MCOLN2: variants seen among roughly 807,000 people sequenced by gnomAD.
MCOLN2 encodes mucolipin TRP cation channel 2.
In MCOLN2, 57 loss-of-function variants were observed where a neutral mutation model predicts 67.5. The observed-to-expected ratio is 0.84, with a 90% CI of 0.68 to 1.05. The LOEUF (loss-of-function observed/expected upper bound fraction) is 1.05, where lower values mean the gene tolerates loss of function less well. Ranked by LOEUF, MCOLN2 falls within the 50% of genes least tolerant of loss-of-function variation. The pLI, the probability that MCOLN2 is intolerant of heterozygous loss-of-function variation, is 0.00. For synonymous variants in MCOLN2, 246 were observed against 233.3 expected (o/e 1.05, Z -0.50); for missense variants, 620 against 678.8 (o/e 0.91, Z 0.96).
At chr1:84,946,532 A>T (rs1286041270) in intron 7 of MCOLN2, among the ~76,000 whole-genome samples, 2 of 152,200 alleles carry the variant, frequency 1.3e-5, no homozygotes, top group East Asian at 3.8e-4. Context: ...TACTTGCATT[A>T]TACTTACAGG....
intron 7 of MCOLN2, among the ~76,000 whole-genome samples, chr1:84,944,301 G>A (rs892600317): frequency 6.6e-5 from 10 of 152,122 alleles, no homozygotes; most frequent in Non-Finnish European, 1.0e-4. Context: ...TTGGGAGGCC[G>A]AGGCGGGCAG....
intron 8 of MCOLN2, among the ~76,000 whole-genome samples, chr1:84,939,976 C>G (rs917326074): frequency 5.9e-5 from 9 of 152,182 alleles, no homozygotes; most frequent in African/African-American, 2.2e-4. Flanking sequence ...ATTCCAAATA[C>G]TTTTCATATT....
intron 7 of MCOLN2, among the ~76,000 whole-genome samples, chr1:84,943,365 G>A (rs890893207): frequency 6.6e-6 from 1 of 152,148 alleles, no homozygotes; most frequent in Admixed American, 6.5e-5. Context: ...AAAGCCATGG[G>A]AGTGACGGCC....
At chr1:84,971,010 T>G (rs973641287) in intron 1 of MCOLN2, among the ~76,000 whole-genome samples, 3 of 152,220 alleles carry the variant, frequency 2.0e-5, no homozygotes, top group African/African-American at 7.2e-5. Context: ...AAGGTCAAAG[T>G]AGCAGATAAT....
At chr1:84,970,399 G>C (rs889251519) in intron 1 of MCOLN2, among the ~76,000 whole-genome samples, 2 of 151,894 alleles carry the variant, frequency 1.3e-5, no homozygotes, top group Admixed American at 6.6e-5. Context: ...GCCAGGCATG[G>C]TGGCTCATGC....
At chr1:84,984,519 C>G (rs1301861546) in intron 1 of MCOLN2, among the ~76,000 whole-genome samples, 1 of 152,222 alleles carries the variant, frequency 6.6e-6, no homozygotes, top group Non-Finnish European at 1.5e-5. Context: ...GATCCCATGT[C>G]TGCTTCTTTC....
chr1:84,987,505 T>TA (rs371236017), intron 1 of MCOLN2, among the ~76,000 whole-genome samples: 10,390 of 37,156 alleles, frequency 0.28, 2,207 homozygotes, highest in Middle Eastern at 0.54. Flanking sequence ...TATACATAGA[T>TA]GTATACATAT....
chr1:84,958,531 G>C lies in MCOLN2; in HGVS notation c.409C>G (p.Gln137Glu), dbSNP rs1648907713. ...AYESIFFAIN[Q>E]YHQLKDITLG... ...GTCATTCACAACAAAACACTTGCCT[G>C]ATTAATAGCAAAAAAGATGCTCTCA... is the stretch of plus-strand genomic sequence containing the variant. Residue 137 changes from glutamine to glutamate, a missense_variant and splice_region_variant, in exon 3 of 14, where the codon CAG becomes GAG. Transcript: ENST00000370608. 1 of 1,600,402 alleles carries C rather than the reference G, an allele frequency of 6.2e-7. No homozygotes were observed.
At chr1:84,981,016 A>T (rs952475220) in intron 1 of MCOLN2, among the ~76,000 whole-genome samples, 2 of 152,214 alleles carry the variant, frequency 1.3e-5, no homozygotes, top group Admixed American at 1.3e-4. Context: ...TATGTCTCAA[A>T]AGAAGACATA....
chr1:84,965,799 C>T (rs955526086), intron 1 of MCOLN2, 91 bp from the exon 2 acceptor site: 1 of 1,135,450 alleles, frequency 8.8e-7, no homozygotes, highest in Non-Finnish European at 1.2e-6. Context: ...TGAGTTGGTA[C>T]ATATGGCATG....
Position 84,941,056 on chromosome 1 carries a change from T to C in MCOLN2, c.848-65A>G, listed in dbSNP as rs1647750398. The C allele has an allele frequency of 3.7e-5, 38 of 1,031,446 alleles. No homozygotes were observed. In the South Asian group the frequency reaches 5.6e-4, roughly 15 times the overall value. 63.9% of individuals were successfully genotyped at this position (1,031,446 alleles called of 1,614,324 possible). ...ACCGGAGAATAATTTCCAAACAAAA[T>C]GGCAGTGTGAAAAGAAGTTCAAACA... On this transcript the variant is annotated intron_variant, in intron 7 of 13. Coordinates refer to ENST00000370608, the MANE Select transcript of MCOLN2 (RefSeq NM_153259.4).
At chr1:84,987,505 T>TACATATATA (rs371236017) in intron 1 of MCOLN2, among the ~76,000 whole-genome samples, 1 of 38,226 alleles carries the variant, frequency 2.6e-5, no homozygotes, top group African/African-American at 7.8e-5. Flanking sequence ...TATACATAGA[T>TACATATATA]GTATACATAT....
intron 8 of MCOLN2, 50 bp downstream of exon 8, chr1:84,940,829 C>A: frequency 7.5e-7 from 1 of 1,326,830 alleles, no homozygotes. Context: ...CTTGGGCAAA[C>A]TGAGGGCGCA....
intron 1 of MCOLN2, among the ~76,000 whole-genome samples, chr1:84,977,836 T>G (rs648660): frequency 0.49 from 74,681 of 151,864 alleles, 18,579 homozygotes; most frequent in East Asian, 0.64. Flanking sequence ...AGATCTTCCA[T>G]ACAGAAAATC....
At chr1:84,927,289 C>T (rs958810325) in intron 13 of MCOLN2, among the ~76,000 whole-genome samples, 1 of 151,602 alleles carries the variant, frequency 6.6e-6, no homozygotes, top group Non-Finnish European at 1.5e-5. Flanking sequence ...AAAAAAGAAT[C>T]TCTGTGTCCC....
intron 7 of MCOLN2, among the ~76,000 whole-genome samples, chr1:84,942,976 C>G (rs1647879014): frequency 6.6e-6 from 1 of 152,068 alleles, no homozygotes. Flanking sequence ...TGAAAGAATG[C>G]ATTTCTTTTC....
intron 1 of MCOLN2, among the ~76,000 whole-genome samples, chr1:84,995,854 G>A (rs1423184400): frequency 6.6e-6 from 1 of 151,576 alleles, no homozygotes; most frequent in Non-Finnish European, 1.5e-5. Flanking sequence ...AAAGAATGTG[G>A]CTACCTCAAA....
intron 6 of MCOLN2, among the ~76,000 whole-genome samples, chr1:84,948,370 C>G (rs969350013): frequency 6.6e-6 from 1 of 152,248 alleles, no homozygotes; most frequent in Admixed American, 6.5e-5. Context: ...GGACACCATA[C>G]TACTGAGTCT....
intron 1 of MCOLN2, among the ~76,000 whole-genome samples, chr1:84,987,483 TATATAC>T (rs1557665510): frequency 1.3e-3 from 25 of 19,900 alleles, no homozygotes; most frequent in African/African-American, 2.3e-3. Flanking sequence ...TATATATACA[TATATAC>T]ATATGTATAC....
Sources: allele counts gnomAD v4.1 joint callset (sites outside exome capture counted in the v4.1 genomes callset), GRCh38; gene constraint gnomAD v4.1.1; transcripts MANE v1.5; gene names NCBI Gene and HGNC (gene_info 2026-07-23, HGNC 2026-07-21).